ADCK1: variants seen among roughly 807,000 people sequenced by gnomAD.
The protein encoded by ADCK1 is aarF domain containing kinase 1.
Under a neutral mutation model 52.3 loss-of-function variants are expected in ADCK1, and 41 were observed. That is an observed-to-expected ratio of 0.78 (90% confidence interval 0.61 to 1.02). The LOEUF (loss-of-function observed/expected upper bound fraction) is 1.02. Ranked by LOEUF, ADCK1 falls within the 50% of genes least tolerant of loss-of-function variation. ADCK1 has a pLI of 0.00. For missense variants in ADCK1, 658 were observed against 679.5 expected (o/e 0.97, Z 0.35); for synonymous variants, 250 against 274.6 (o/e 0.91, Z 0.89).
At position 77,907,919 on chromosome 14, in the gene ADCK1, G is replaced by C; in HGVS notation, c.858G>C (p.Glu286Asp). 6.2e-7 allele frequency: 1 copy of C among 1,613,202 alleles called. No individual in the cohort carries two copies. The highest frequency in any genetic ancestry group is 1.1e-5 in the South Asian group (1 of 91,004). ...AGAGGAACAAGATCGACGTCAATGA[G>C]GTGAGGTCAAGAGCTCAGGGCTGCT... Reference protein sequence around the residue: ...YMERNKIDVNEISRHLGKMYS... With the variant: ...YMERNKIDVNDISRHLGKMYS... Residue 286 changes from glutamate (E) to aspartate (D), a missense_variant and splice_region_variant, in exon 7 of 11, where the codon GAG (glutamate) becomes GAC (aspartate). Transcript: ENST00000238561.
Position 77,933,490 on chromosome 14 carries a change from G to A in ADCK1, c.*99G>A, listed in dbSNP as rs1166867838. On this transcript the variant is annotated 3_prime_UTR_variant, in exon 11 of 11. Transcript: ENST00000238561. ...CTCCATTTTTGCCACATCGTGGCCC[G>A]CAGCCCCAGAGTCACTGTCCATGTC... The A allele has an allele frequency of 1.7e-5, 25 of 1,434,332 alleles. No individual in the cohort carries two copies. Among genetic ancestry groups the A allele is most frequent in the Admixed American group, 6.9e-5 (4 of 57,658 alleles). 88.9% of individuals were successfully genotyped at this position (1,434,332 alleles called of 1,614,324 possible).
At chr14:77,801,661 C>T (rs747318117) in intron 1 of ADCK1, among the ~76,000 whole-genome samples, 36 of 151,962 alleles carry the variant, frequency 2.4e-4, no homozygotes, top group African/African-American at 8.7e-4. Context: ...TAGTTGGGGC[C>T]GGGTGCGGTG....
chr14:77,931,587 C>T lies in ADCK1; in HGVS notation c.1276C>T (p.Arg426Cys), dbSNP rs144926474. The T allele has an allele frequency of 9.6e-5, 155 of 1,613,988 alleles. No individual in the cohort carries two copies. The highest frequency in any genetic ancestry group is 4.9e-4 in the Middle Eastern group (3 of 6,062). ...CAGCCATCTCCTCAACCACGTGCCG[C>T]GCCAGATGCTGCTCATCTTGAAGAC... Reference protein sequence around the residue: ...QISHLLNHVPRQMLLILKTND... With the variant: ...QISHLLNHVPCQMLLILKTND... The change falls in exon 10 of 11, where the codon CGC (arginine) becomes TGC (cysteine). Residue 426 changes from arginine (R) to cysteine (C), a missense_variant. Transcript: ENST00000238561.
intron 3 of ADCK1, among the ~76,000 whole-genome samples, chr14:77,849,074 C>A (rs8005023): frequency 0.23 from 34,901 of 151,958 alleles, 4,052 homozygotes; most frequent in Middle Eastern, 0.33. Context: ...GTGATCTGCC[C>A]GCCTCGGCCT....
At chr14:77,882,941 A>G (rs1595009625) in intron 4 of ADCK1, among the ~76,000 whole-genome samples, 1 of 144,546 alleles carries the variant, frequency 6.9e-6, no homozygotes, top group African/African-American at 2.6e-5. Context: ...GGGATGACAC[A>G]TTTTTTCTTA....
At chr14:77,886,980 C>G in intron 4 of ADCK1, 111 bp from the exon 5 acceptor site, 6 of 1,205,298 alleles carry the variant, frequency 5.0e-6, no homozygotes, top group Non-Finnish European at 6.8e-6. Flanking sequence ...CTTTCTCTCT[C>G]AAATCTGTCC....
intron 3 of ADCK1, among the ~76,000 whole-genome samples, chr14:77,831,304 G>A (rs1193745320): frequency 3.3e-5 from 5 of 152,174 alleles, no homozygotes; most frequent in African/African-American, 1.2e-4. Flanking sequence ...AAGGAGTGAA[G>A]GAGTGGGACA....
intron 5 of ADCK1, among the ~76,000 whole-genome samples, chr14:77,888,026 G>T (rs2083199296): frequency 1.3e-5 from 2 of 152,212 alleles, no homozygotes; most frequent in Admixed American, 1.3e-4. Flanking sequence ...CTAGGTGGGT[G>T]CTGGGGACAT....
chr14:77,845,273 C>G (rs1318733187), intron 3 of ADCK1, among the ~76,000 whole-genome samples: 1 of 152,224 alleles, frequency 6.6e-6, no homozygotes, highest in Non-Finnish European at 1.5e-5. Context: ...GCCATTTAAC[C>G]TTTCTGAGCC....
chr14:77,852,705 T>C, intron 3 of ADCK1, among the ~76,000 whole-genome samples: 1 of 97,624 alleles, frequency 1.0e-5, no homozygotes, highest in Admixed American at 1.1e-4. Context: ...ATATATATAT[T>C]TCACTCCTCA....
At chr14:77,810,063 A>C (rs2081308087) in intron 1 of ADCK1, among the ~76,000 whole-genome samples, 1 of 150,334 alleles carries the variant, frequency 6.7e-6, no homozygotes, top group Non-Finnish European at 1.5e-5. Context: ...AAAAAATTAC[A>C]AGAGAGTCTT....
At chr14:77,862,212 C>G (rs559047136) in intron 4 of ADCK1, among the ~76,000 whole-genome samples, 2 of 152,298 alleles carry the variant, frequency 1.3e-5, no homozygotes, top group African/African-American at 4.8e-5. Flanking sequence ...GGCTTATATC[C>G]TGAAAGACAG....
intron 3 of ADCK1, among the ~76,000 whole-genome samples, chr14:77,831,981 C>CT (rs34466991): frequency 2.3e-3 from 326 of 139,478 alleles, no homozygotes; most frequent in African/African-American, 4.1e-3. Context: ...GATGTGATGG[C>CT]TTTTTTTTTT....
intron 3 of ADCK1, among the ~76,000 whole-genome samples, chr14:77,835,446 A>G (rs147613974): frequency 1.3e-5 from 2 of 152,380 alleles, no homozygotes; most frequent in African/African-American, 4.8e-5. Flanking sequence ...CAACAAAGCC[A>G]AATGTCCTTC....
At chr14:77,915,788 T>C (rs1396803567) in intron 7 of ADCK1, among the ~76,000 whole-genome samples, 1 of 152,090 alleles carries the variant, frequency 6.6e-6, no homozygotes, top group Non-Finnish European at 1.5e-5. Flanking sequence ...TGTTGTGGAG[T>C]TGGCCTTCCT....
intron 7 of ADCK1, among the ~76,000 whole-genome samples, chr14:77,920,777 G>C (rs1372044319): frequency 4.6e-5 from 7 of 152,046 alleles, no homozygotes; most frequent in Non-Finnish European, 1.0e-4. Context: ...GCCACCCAAA[G>C]TAGATAGAAC....
intron 9 of ADCK1, among the ~76,000 whole-genome samples, chr14:77,928,622 T>C (rs11626719): frequency 0.51 from 76,670 of 151,816 alleles, 20,147 homozygotes; most frequent in African/African-American, 0.64. Flanking sequence ...CCACCACACC[T>C]GGCTAATTTT....
chr14:77,819,134 G>A (rs1040474780), intron 2 of ADCK1, 21 bp downstream of exon 2: 1 of 1,613,256 alleles, frequency 6.2e-7, no homozygotes, highest in Non-Finnish European at 8.5e-7. Flanking sequence ...CCCTTTTGGG[G>A]GTAGCAGAGA....
chr14:77,925,879 C>T lies in ADCK1; in HGVS notation c.1124C>T (p.Pro375Leu), dbSNP rs2084180684. Residue 375 changes from proline to leucine, a missense_variant, in exon 9 of 11, where the codon CCC becomes CTC. Coordinates refer to ENST00000238561, the MANE Select transcript of ADCK1 (RefSeq NM_020421.4). ...SQRLGAGDLY[P>L]LFACMLTARS... is the part of the protein sequence containing the mutation. ...CGACTGGGAGCCGGGGATCTCTACC[C>T]CTTGTTTGCCTGCATGCTGACGGCG... The T allele has an allele frequency of 2.5e-6, 4 of 1,614,080 alleles. No individual in the cohort carries two copies. The African/African-American group carries it at 4.0e-5, about 16-fold the overall frequency.
Sources: allele counts gnomAD v4.1 joint callset (sites outside exome capture counted in the v4.1 genomes callset), GRCh38; gene constraint gnomAD v4.1.1; transcripts MANE v1.5; gene names NCBI Gene and HGNC (gene_info 2026-07-23, HGNC 2026-07-21).